DDC: variants seen among roughly 807,000 people sequenced by gnomAD.
The protein encoded by DDC is dopa decarboxylase, also known as aromatic-L-amino-acid decarboxylase.
A neutral mutation model predicts 60.0 loss-of-function variants in DDC; 43 were observed. That is an observed-to-expected ratio of 0.72 (90% CI 0.56 to 0.92). DDC has a LOEUF of 0.92. Ranked by LOEUF, DDC falls within the 40% of genes least tolerant of loss-of-function variation. DDC has a pLI of 0.00. For synonymous variants in DDC, 232 were observed against 234.6 expected (o/e 0.99, Z 0.10); for missense variants, 573 against 620.2 (o/e 0.92, Z 0.81).
At position 50,479,862 on chromosome 7, in the gene DDC, C is replaced by A; in HGVS notation, c.946G>T (p.Val316Leu). 6.2e-7 allele frequency: 1 copy of A among 1,613,310 alleles called. No individual in the cohort carries two copies. The change falls in exon 10 of 15, where the codon GTG becomes TTG. Residue 316 changes from valine (V) to leucine (L), a missense_variant and splice_region_variant. Physicochemically the swap from Val to Leu is conservative, Grantham distance 32 (BLOSUM62 1). Transcript: ENST00000444124. The part of the protein sequence containing the change: ...LVNFDCSAMW[V>L]KKRTDLTGAF... ...CCCGTTAAGTCTGTTCTCTTTTTCA[C>A]CCTGGTTTTAGAGAACAAATGAAAG...
At chr7:50,470,863 C>T (rs1181570601) in intron 11 of DDC, among the ~76,000 whole-genome samples, 1 of 152,202 alleles carries the variant, frequency 6.6e-6, no homozygotes, top group Non-Finnish European at 1.5e-5. Context: ...GACGAGGAGA[C>T]TGCTGGGAAG....
Position 50,529,269 on chromosome 7 carries a change from G to A in DDC, c.509C>T (p.Ala170Val), listed in dbSNP as rs759807365. 10 of 1,613,864 alleles carry A rather than the reference G, an allele frequency of 6.2e-6. No homozygotes were observed. The highest frequency in any genetic ancestry group is 3.3e-5 in the Admixed American group (2 of 60,006). The change falls in exon 5 of 15, where the codon GCG (alanine) becomes GTG (valine). Residue 170 changes from alanine to valine, a missense_variant. Ala to Val is a moderately conservative substitution (Grantham distance 64). Transcript: ENST00000444124. The stretch of plus-strand genomic sequence containing the variant: ...AGCGGCCTGTGTGAGCTCTGGGGAC[G>A]CTGCCTGCAGCCGATGGATCACTTT... ...RTKVIHRLQA[A>V]SPELTQAAIM...
chr7:50,525,459 C>T (rs7778349), intron 6 of DDC, among the ~76,000 whole-genome samples: 67,463 of 151,992 alleles, frequency 0.44, 15,605 homozygotes, highest in Non-Finnish European at 0.52. Flanking sequence ...TATGAATCTA[C>T]GATTATTTCA....
At chr7:50,501,303 C>G (rs528635719) in intron 7 of DDC, among the ~76,000 whole-genome samples, 1 of 152,308 alleles carries the variant, frequency 6.6e-6, no homozygotes, top group African/African-American at 2.4e-5. Context: ...TTCCTCACAC[C>G]TTGAGATGGC....
At chr7:50,545,165 T>TA (rs1490962859) in intron 1 of DDC, among the ~76,000 whole-genome samples, 1 of 152,126 alleles carries the variant, frequency 6.6e-6, no homozygotes, top group Non-Finnish European at 1.5e-5. Context: ...CGCAAGAAGG[T>TA]AGTGTGTCCC....
chr7:50,475,990 A>G (rs2042634979), intron 11 of DDC, among the ~76,000 whole-genome samples: 1 of 152,054 alleles, frequency 6.6e-6, no homozygotes, highest in African/African-American at 2.4e-5. Flanking sequence ...GCACCTGGCC[A>G]CAGGTCATCT....
chr7:50,527,011 A>G (rs2044054500), intron 6 of DDC, among the ~76,000 whole-genome samples: 2 of 118,708 alleles, frequency 1.7e-5, no homozygotes, highest in African/African-American at 5.3e-5. Flanking sequence ...ATCTACACTC[A>G]TAGTGTGAGA....
intron 1 of DDC, among the ~76,000 whole-genome samples, chr7:50,559,575 G>A (rs1055216492): frequency 2.0e-5 from 3 of 152,044 alleles, no homozygotes; most frequent in Non-Finnish European, 2.9e-5. Context: ...CTATAGGCAC[G>A]CACAACCACG....
intron 7 of DDC, among the ~76,000 whole-genome samples, chr7:50,502,505 C>T (rs1585193958): frequency 6.6e-6 from 1 of 152,354 alleles, no homozygotes; most frequent in Non-Finnish European, 1.5e-5. Context: ...AGTCAGAGGA[C>T]TCCAAGTTGC....
chr7:50,463,633 A>G (rs76856685), intron 13 of DDC, among the ~76,000 whole-genome samples: 29 of 152,314 alleles, frequency 1.9e-4, no homozygotes, highest in African/African-American at 7.0e-4. Flanking sequence ...TCTTCTCCCC[A>G]CAGACAATTT....
At chr7:50,517,336 T>C (rs568517183) in intron 6 of DDC, among the ~76,000 whole-genome samples, 13 of 152,224 alleles carry the variant, frequency 8.5e-5, no homozygotes, top group African/African-American at 3.1e-4. Flanking sequence ...ATCATCTCAA[T>C]AGATGCAGAT....
At chr7:50,555,940 G>A (rs1302292696) in intron 1 of DDC, among the ~76,000 whole-genome samples, 4 of 152,198 alleles carry the variant, frequency 2.6e-5, no homozygotes, top group African/African-American at 4.8e-5. Flanking sequence ...ATGCATATCA[G>A]TTGATGAAAA....
chr7:50,539,975 C>T lies in DDC; in HGVS notation c.255G>A (p.Ser85=), dbSNP rs367959876. 9.9e-6 allele frequency: 16 copies of T among 1,614,004 alleles called. No homozygotes were observed. The highest frequency in any genetic ancestry group is 4.5e-5 in the East Asian group (2 of 44,862). Residue 85 remains serine (S), a synonymous_variant, in exon 3 of 15, where the codon TCG becomes TCA. Coordinates refer to ENST00000444124, the MANE Select transcript of DDC (RefSeq NM_001082971.2). ...YFFAYFPTAS[S]YPAMLADMLC... is the part of the protein sequence containing the mutation. ...GCATGTCCGCAAGCATGGCCGGGTA[C>T]GAGCTGGCAGTGGGGAAGTAGGCGA... is the stretch of plus-strand genomic sequence containing the variant.
intron 6 of DDC, among the ~76,000 whole-genome samples, chr7:50,511,962 G>T (rs2043592532): frequency 6.6e-6 from 1 of 151,906 alleles, no homozygotes; most frequent in Admixed American, 6.6e-5. Context: ...ATTGAAAAGG[G>T]TAATGGGTGC....
chr7:50,460,458 C>G (rs559594964), intron 14 of DDC, among the ~76,000 whole-genome samples: 3 of 151,156 alleles, frequency 2.0e-5, no homozygotes, highest in Non-Finnish European at 2.9e-5. Flanking sequence ...GCCAGCCACC[C>G]GGTCCAGGAG....
At chr7:50,460,419 GC>G (rs1247439840) in intron 14 of DDC, among the ~76,000 whole-genome samples, 2 of 149,698 alleles carry the variant, frequency 1.3e-5, no homozygotes, top group East Asian at 4.0e-4. Flanking sequence ...GGGGGGGTCA[GC>G]CCCCTGCCCG....
chr7:50,495,565 C>G, intron 8 of DDC, 148 bp from the exon 9 acceptor site: 1 of 694,970 alleles, frequency 1.4e-6, no homozygotes, highest in Admixed American at 2.1e-5. Context: ...GGAGTAGTAA[C>G]TTGTAGTGGG....
intron 1 of DDC, among the ~76,000 whole-genome samples, chr7:50,550,636 G>A (rs188818025): frequency 1.6e-3 from 246 of 152,354 alleles, no homozygotes; most frequent in African/African-American, 5.2e-3. Context: ...AAGTACATTA[G>A]TTCCATCCAG....
At chr7:50,481,967 C>T (rs548066578) in intron 9 of DDC, among the ~76,000 whole-genome samples, 279 of 152,312 alleles carry the variant, frequency 1.8e-3, no homozygotes, top group Middle Eastern at 3.4e-3. Flanking sequence ...GCACATATCC[C>T]AATCCATTCA....
Sources: allele counts gnomAD v4.1 joint callset (sites outside exome capture counted in the v4.1 genomes callset), GRCh38; gene constraint gnomAD v4.1.1; transcripts MANE v1.5; gene names NCBI Gene and HGNC (gene_info 2026-07-23, HGNC 2026-07-21).